RBFOX1: variants seen among roughly 807,000 people sequenced by gnomAD.
The protein encoded by RBFOX1 is RNA binding protein fox-1 homolog 1.
RBFOX1 carries 8 observed loss-of-function variants against 57.7 expected under a neutral mutation model. That is an observed-to-expected ratio of 0.14 (90% CI 0.08 to 0.25). RBFOX1 has a LOEUF of 0.25. Among genes scored for constraint, RBFOX1 ranks in the 10% least tolerant of loss-of-function variants. The probability of loss-of-function intolerance (pLI) is 1.00; values close to 1 mark genes in which losing one functional copy is unlikely to be tolerated. For missense variants in RBFOX1, 611 were observed against 548.5 expected, an observed-to-expected ratio of 1.11 and a Z score of -1.14; for synonymous variants, 326 against 222.4, an observed-to-expected ratio of 1.47 and a Z score of -4.15.
At chr16:6,809,751 G>C (rs1468957962) in intron 3 of RBFOX1, among the ~76,000 whole-genome samples, 2 of 152,070 alleles carry the variant, frequency 1.3e-5, no homozygotes, top group Non-Finnish European at 2.9e-5. Context: ...TTATTTATGA[G>C]ATGGGGCAAT....
intron 4 of RBFOX1, among the ~76,000 whole-genome samples, chr16:7,115,678 G>A (rs2065750116): frequency 6.6e-6 from 1 of 152,212 alleles, no homozygotes; most frequent in Non-Finnish European, 1.5e-5. Flanking sequence ...TGAAAGAGGG[G>A]ACACCCAAGA....
intron 4 of RBFOX1, among the ~76,000 whole-genome samples, chr16:7,354,847 A>C (rs1237006468): frequency 6.6e-6 from 1 of 152,214 alleles, no homozygotes; most frequent in African/African-American, 2.4e-5. Flanking sequence ...GATATAGGAC[A>C]TTCATTTTAT....
intron 1 of RBFOX1, among the ~76,000 whole-genome samples, chr16:5,263,709 AG>A (rs1359415695): frequency 3.3e-5 from 5 of 152,118 alleles, no homozygotes; most frequent in Non-Finnish European, 7.4e-5. Context: ...ACAGTGATCT[AG>A]GGGTGAGATG....
chr16:6,272,036 T>C (rs191741886), intron 1 of RBFOX1, among the ~76,000 whole-genome samples: 199 of 152,266 alleles, frequency 1.3e-3, no homozygotes, highest in Non-Finnish European at 2.3e-3. Flanking sequence ...TTGATCACCA[T>C]TGACTGTAAC....
chr16:6,203,678 C>G (rs1440413233), intron 1 of RBFOX1, among the ~76,000 whole-genome samples: 1 of 152,108 alleles, frequency 6.6e-6, no homozygotes, highest in East Asian at 1.9e-4. Flanking sequence ...AACAAACAAA[C>G]CCCCCAAACA....
rs1567396913 is a variant in RBFOX1 at position 6,819,734 on chromosome 16, ACAAC to A, written c.-16+165085_-16+165088del. Among the ~76,000 whole-genome samples, 20 of 81,988 alleles carry A rather than the reference ACAAC, an allele frequency of 2.4e-4. 1 individual carries two copies. The highest frequency in any genetic ancestry group is 5.1e-3 in the Middle Eastern group (1 of 196). The allele number at this position is 81,988 out of a possible 152,430, so 53.8% of individuals were successfully genotyped here. ...AAAAAAAAAAAAAAAAAAAAAAATA[ACAAC>A]ACCAAAAGGTATATAGTATAACAGG... On this transcript the variant is annotated intron_variant, in intron 3 of 15. Transcript: ENST00000550418.
intron 4 of RBFOX1, among the ~76,000 whole-genome samples, chr16:7,299,536 T>C (rs993965946): frequency 2.0e-5 from 3 of 152,210 alleles, no homozygotes; most frequent in Admixed American, 6.5e-5. Context: ...TGGAATTGGT[T>C]CTGCCTGGGA....
chr16:5,467,231 C>G, exon 2 of RBFOX1: 1 of 1,499,830 alleles, frequency 6.7e-7, no homozygotes, highest in Non-Finnish European at 9.0e-7. Context: ...ACTGTGCCTG[C>G]CATACAGCCT....
chr16:6,503,866 C>A (rs536740910), intron 2 of RBFOX1, among the ~76,000 whole-genome samples: 7 of 152,110 alleles, frequency 4.6e-5, no homozygotes, highest in Admixed American at 2.6e-4. Context: ...CTACCCAGGC[C>A]TCTTTAAGGC....
intron 2 of RBFOX1, among the ~76,000 whole-genome samples, chr16:5,545,760 T>C (rs2045170898): frequency 6.6e-6 from 1 of 152,204 alleles, no homozygotes; most frequent in African/African-American, 2.4e-5. Context: ...GACTGAATGC[T>C]TTCTGCTTAA....
At chr16:5,308,915 G>T (rs2064009735) in intron 1 of RBFOX1, among the ~76,000 whole-genome samples, 1 of 152,088 alleles carries the variant, frequency 6.6e-6, no homozygotes, top group Non-Finnish European at 1.5e-5. Context: ...TCAGCTCTGT[G>T]TTTCTCTCCC....
chr16:6,194,792 G>A (rs572150908), intron 1 of RBFOX1, among the ~76,000 whole-genome samples: 21 of 152,140 alleles, frequency 1.4e-4, no homozygotes, highest in Non-Finnish European at 2.6e-4. Context: ...TCAACTTTAC[G>A]TTTCGTGTAC....
chr16:6,413,401 C>G lies in RBFOX1; in HGVS notation c.-64+96344C>G, dbSNP rs373735619. ...CTGGTCTTGAACCCCTGGGCTCAAG[C>G]AGTCCTCTCATCTTGGCTTCCCAAA... On this transcript the variant is annotated intron_variant, in intron 2 of 15. Coordinates refer to ENST00000550418, the MANE Select transcript of RBFOX1 (RefSeq NM_018723.4). Among the ~76,000 whole-genome samples the G allele has an allele frequency of 1.3e-4, 20 of 151,804 alleles. No homozygotes were observed. In the South Asian group the frequency reaches 4.2e-3, roughly 32 times the overall value.
chr16:5,558,197 A>G (rs76979997), intron 2 of RBFOX1, among the ~76,000 whole-genome samples: 7,840 of 152,264 alleles, frequency 0.051, 250 homozygotes, highest in East Asian at 0.1. Flanking sequence ...CTGTCACACT[A>G]GCCCCCCTGC....
chr16:7,197,269 A>C (rs2086943739), intron 4 of RBFOX1, among the ~76,000 whole-genome samples: 1 of 152,130 alleles, frequency 6.6e-6, no homozygotes, highest in African/African-American at 2.4e-5. Context: ...TGTGGCTCTG[A>C]GCAGCTATTG....
chr16:7,498,239 T>C (rs4442830), intron 4 of RBFOX1, among the ~76,000 whole-genome samples: 90,600 of 151,910 alleles, frequency 0.6, 28,304 homozygotes, highest in Middle Eastern at 0.73. Context: ...AATGTTCACG[T>C]TTGGTGCCAA....
intron 3 of RBFOX1, among the ~76,000 whole-genome samples, chr16:5,840,976 A>G (rs1030299055): frequency 6.6e-6 from 1 of 152,112 alleles, no homozygotes; most frequent in African/African-American, 2.4e-5. Context: ...GAACCTCCCA[A>G]TACTCCTACA....
intron 2 of RBFOX1, among the ~76,000 whole-genome samples, chr16:5,511,646 T>G (rs1567178221): frequency 6.6e-6 from 1 of 152,174 alleles, no homozygotes; most frequent in Non-Finnish European, 1.5e-5. Flanking sequence ...TATCCCCATT[T>G]TATAGAAGAA....
chr16:5,408,051 G>A (rs373730396), intron 1 of RBFOX1, among the ~76,000 whole-genome samples: 1 of 151,696 alleles, frequency 6.6e-6, no homozygotes, highest in African/African-American at 2.4e-5. Flanking sequence ...CCTGCAGGCT[G>A]ATGTGTTTAA....
Sources: allele counts gnomAD v4.1 joint callset (sites outside exome capture counted in the v4.1 genomes callset), GRCh38; gene constraint gnomAD v4.1.1; transcripts MANE v1.5; gene names NCBI Gene and HGNC (gene_info 2026-07-23, HGNC 2026-07-21).